NDUFS7: variants seen among roughly 807,000 people sequenced by gnomAD.
The protein encoded by NDUFS7 is NADH:ubiquinone oxidoreductase core subunit S7.
Under a neutral mutation model 31.1 loss-of-function variants are expected in NDUFS7, and 11 were observed. That is an observed-to-expected ratio of 0.35 (90% CI 0.22 to 0.59). The LOEUF is 0.59. Among genes scored for constraint, NDUFS7 ranks in the 20% least tolerant of loss-of-function variants. NDUFS7 has a pLI of 0.79. For missense variants in NDUFS7, 263 were observed against 324.2 expected (o/e 0.81, Z 1.45); for synonymous variants, 136 against 127.9 (o/e 1.06, Z -0.43).
chr19:1,388,888 G>C lies in NDUFS7; in HGVS notation c.178G>C (p.Gly60Arg), dbSNP rs532472723. The C allele has an allele frequency of 6.2e-7, 1 of 1,609,750 alleles. No homozygotes were observed. Among genetic ancestry groups the C allele is most frequent in the Non-Finnish European group, 8.5e-7 (1 of 1,178,514 alleles). ...CGTGGCTCCCAAACCCAGCAGCCGG[G>C]GCGAGTATGTGGTGGCCAAGCTGGA... ...RAVAPKPSSRGEYVVAKLDDL... is the reference protein window; with the variant it reads ...RAVAPKPSSRREYVVAKLDDL... Residue 60 changes from glycine (G) to arginine (R), a missense_variant, in exon 4 of 8, where the codon GGC becomes CGC. By Grantham distance (125) the Gly-to-Arg change is moderately radical (BLOSUM62 -2). Transcript: ENST00000233627.
At chr19:1,388,054 G>A in intron 2 of NDUFS7, 1 of 649,978 alleles carries the variant, frequency 1.5e-6, no homozygotes, top group South Asian at 1.8e-5. Flanking sequence ...AGGCTGGACA[G>A]TCAGGAGGAA....
In NDUFS7 at chr19:1,393,379, C is replaced by A. The variant is rs768761073; in HGVS notation, c.544+49C>A. 5 of 1,487,774 alleles carry A rather than the reference C, an allele frequency of 3.4e-6. No homozygotes were observed. The highest frequency in any genetic ancestry group is 4.9e-5 in the East Asian group (2 of 40,758). The allele number at this position is 1,487,774 out of a possible 1,614,324, so 92.2% of individuals were successfully genotyped here. On this transcript the variant is annotated intron_variant, in intron 7 of 7. Transcript: ENST00000233627. This position sits in a 1 kb window ranked among gnomAD's most constrained non-coding sequence, Gnocchi z 7.3. ...ACGAGGGAGCTGGAGACAGGGCCAG[C>A]GCCACACGGAGCCCGGCGGCCCCTG...
At chr19:1,388,418 A>G in intron 2 of NDUFS7, 107 bp from the exon 3 acceptor site, 1 of 1,049,858 alleles carries the variant, frequency 9.5e-7, no homozygotes, top group Non-Finnish European at 1.4e-6. Context: ...GGCAGAGGTG[A>G]GAACAGTCTC....
At chr19:1,392,911 C>T in intron 6 of NDUFS7, 1 of 406,730 alleles carries the variant, frequency 2.5e-6, no homozygotes, top group Admixed American at 3.7e-5. Flanking sequence ...TAGACAGGGG[C>T]TGGGTGTTGG....
At chr19:1,389,501 A>G (rs1321784344) in intron 4 of NDUFS7, 1 of 457,250 alleles carries the variant, frequency 2.2e-6, no homozygotes, top group Admixed American at 2.3e-5. Context: ...GAGGATTCGG[A>G]CCCTGCTGGA....
chr19:1,393,495 CCT>C lies in NDUFS7; in HGVS notation c.544+166_544+167del, dbSNP rs2082572112. The stretch of plus-strand genomic sequence containing the variant: ...CGCTGCCTCTTAGTGGAGCCTGTCC[CCT>C]GTGAGAAGTCGGCGATGTATTCAGG... On this transcript the variant is annotated intron_variant, in intron 7 of 7. Transcript: ENST00000233627. The surrounding 1 kb of genome is among the most constrained non-coding windows in gnomAD (Gnocchi z 7.3). 1 of 699,342 alleles carries C rather than the reference CCT, an allele frequency of 1.4e-6. No homozygotes were observed. Among genetic ancestry groups the C allele is most frequent in the African/African-American group, 1.8e-5 (1 of 56,968 alleles). 43.3% of individuals were successfully genotyped at this position (699,342 alleles called of 1,614,324 possible). A position where few individuals can be genotyped will look rare whatever the true frequency, so the allele number is the denominator to read the frequency against.
chr19:1,387,607 T>C lies in NDUFS7; in HGVS notation c.17-204T>C, dbSNP rs532465373. ...GGAGACGGGGCAGCGTTTGGGTTCC[T>C]TCCGGGGCCATGCAGTCTCAAGCAG... On this transcript the variant is annotated intron_variant, in intron 1 of 7. Coordinates refer to ENST00000233627, the MANE Select transcript of NDUFS7 (RefSeq NM_024407.5). 427 of 610,914 alleles carry C rather than the reference T, an allele frequency of 7.0e-4. 7 individuals are homozygous for C. The South Asian group carries it at 7.3e-3, about 10-fold the overall frequency. 37.8% of individuals were successfully genotyped at this position (610,914 alleles called of 1,614,324 possible).
In NDUFS7 at chr19:1,388,530, G is replaced by C; in HGVS notation, c.59G>C (p.Ser20Thr). 6.2e-7 allele frequency: 1 copy of C among 1,611,188 alleles called. No homozygotes were observed. Among genetic ancestry groups the C allele is most frequent in the Non-Finnish European group, 8.5e-7 (1 of 1,179,858 alleles). The change falls in exon 3 of 8, where the codon AGC becomes ACC. Residue 20 changes from serine (S) to threonine (T), a missense_variant. Transcript: ENST00000233627. ...RGFRILGLRS[S>T]VGPAVQARGV... is the part of the protein sequence containing the mutation. The stretch of plus-strand genomic sequence containing the variant: ...CGCGTTCCATCTCCCGGCAGCTCCA[G>C]CGTGGGCCCGGCTGTGCAGGCACGA...
Position 1,388,890 on chromosome 19 carries a change from C to A in NDUFS7, c.180C>A (p.Gly60=). 1 of 1,609,692 alleles carries A rather than the reference C, an allele frequency of 6.2e-7. No individual in the cohort carries two copies. Among genetic ancestry groups the A allele is most frequent in the Non-Finnish European group, 8.5e-7 (1 of 1,178,464 alleles). Residue 60 remains glycine (G), a synonymous_variant, in exon 4 of 8, where the codon GGC becomes GGA. Transcript: ENST00000233627. ...RAVAPKPSSR[G]EYVVAKLDDL... is the part of the protein sequence containing the mutation. Reference sequence around the variant, plus strand: ...TGGCTCCCAAACCCAGCAGCCGGGGCGAGTATGTGGTGGCCAAGCTGGATG... The same window carrying A: ...TGGCTCCCAAACCCAGCAGCCGGGGAGAGTATGTGGTGGCCAAGCTGGATG...
rs1600143288 is a variant in NDUFS7, at chr19:1,384,056, C to T, written c.16+114C>T. On this transcript the variant is annotated intron_variant, in intron 1 of 7. Transcript: ENST00000233627. ...CCGGCGTCGTGGCCGCGGTCCTCTC[C>T]GGGCTTCTCCGAGCCGGCCGCTCCT... 11 of 1,187,118 alleles carry T rather than the reference C, an allele frequency of 9.3e-6. No homozygotes were observed. The East Asian group carries it at 2.3e-4, about 25-fold the overall frequency. The allele number at this position is 1,187,118 out of a possible 1,614,324, so 73.5% of individuals were successfully genotyped here.
intron 1 of NDUFS7, chr19:1,387,104 T>C (rs1045645598): frequency 3.9e-5 from 6 of 154,016 alleles, no homozygotes; most frequent in African/African-American, 1.4e-4. Context: ...CCTCTAGGGG[T>C]GCTTTTCTGT....
rs376173886 is a variant in NDUFS7, at chr19:1,390,008, C to T, written c.229-863C>T. 1.2e-5 allele frequency: 2 copies of T among 161,368 alleles called. 1 individual carries two copies. The highest frequency in any genetic ancestry group is 3.4e-4 in the South Asian group (2 of 5,896). The allele number at this position is 161,368 out of a possible 1,614,324, so 10.0% of individuals were successfully genotyped here. A position where few individuals can be genotyped will look rare whatever the true frequency, so the allele number is the denominator to read the frequency against. On this transcript the variant is annotated intron_variant, in intron 4 of 7. Coordinates refer to ENST00000233627, the MANE Select transcript of NDUFS7 (RefSeq NM_024407.5). ...ATGCTCCGCTTGCCGGGTTCTCCTG[C>T]CTCAGCCTCCTAAGTAGCTGGGACT...
chr19:1,393,460 C>T lies in NDUFS7; in HGVS notation c.544+130C>T, dbSNP rs1398090742. The T allele has an allele frequency of 2.1e-5, 16 of 752,552 alleles. No individual in the cohort carries two copies. The highest frequency in any genetic ancestry group is 1.4e-4 in the Admixed American group (7 of 49,976). The allele number at this position is 752,552 out of a possible 1,614,324, so 46.6% of individuals were successfully genotyped here. A position where few individuals can be genotyped will look rare whatever the true frequency, so the allele number is the denominator to read the frequency against. The stretch of plus-strand genomic sequence containing the variant: ...GGGCTCCCCCATCCTATGGATGGGC[C>T]GACTCGGAGCGCTGCCTCTTAGTGG... On this transcript the variant is annotated intron_variant, in intron 7 of 7. Coordinates refer to ENST00000233627, the MANE Select transcript of NDUFS7 (RefSeq NM_024407.5). This position sits in a 1 kb window ranked among gnomAD's most constrained non-coding sequence, Gnocchi z 7.3.
At chr19:1,385,644 C>T (rs536929268) in intron 1 of NDUFS7, among the ~76,000 whole-genome samples, 1 of 152,110 alleles carries the variant, frequency 6.6e-6, no homozygotes, top group Non-Finnish European at 1.5e-5. Context: ...CATGGAGAAA[C>T]CCTGTCTCTA....
chr19:1,388,462 G>A, intron 2 of NDUFS7, 63 bp from the exon 3 acceptor site: 1 of 1,462,462 alleles, frequency 6.8e-7, no homozygotes, highest in Non-Finnish European at 9.5e-7. Flanking sequence ...ACAACAGTGA[G>A]TGCGGCTGGG....
chr19:1,388,690 A>T (rs748416030), intron 3 of NDUFS7, 97 bp downstream of exon 3: 1 of 1,454,492 alleles, frequency 6.9e-7, no homozygotes, highest in East Asian at 2.4e-5. Context: ...AGGTGCATGG[A>T]TGGGGCAGGG....
At chr19:1,389,035 C>T (rs745999411) in intron 4 of NDUFS7, 97 bp downstream of exon 4, 14 of 991,640 alleles carry the variant, frequency 1.4e-5, no homozygotes, top group Non-Finnish European at 2.2e-5. Context: ...GACACGTACA[C>T]ACACAACACA....
chr19:1,389,047 G>A (rs1453871579), intron 4 of NDUFS7, 109 bp downstream of exon 4: 4 of 900,078 alleles, frequency 4.4e-6, no homozygotes, highest in African/African-American at 1.7e-5. Context: ...CACAACACAT[G>A]CATGCACACT....
chr19:1,387,120 T>TCTCGGTGGTCGCCGTATCA, intron 1 of NDUFS7: 1 of 154,738 alleles, frequency 6.5e-6, no homozygotes, highest in Non-Finnish European at 1.4e-5. Flanking sequence ...TCTGTGTAGA[T>TCTCGGTGGTCGCCGTATCA]TGACGTGGGC....
Sources: gnomAD v4.1 joint callset for allele counts (sites outside exome capture counted in the v4.1 genomes callset) on GRCh38, gnomAD v4.1.1 for gene constraint, Gnocchi (gnomAD v3.1) non-coding constraint, MANE v1.5 for transcripts, NCBI Gene and HGNC (gene_info 2026-07-23, HGNC 2026-07-21) for gene names.